Variants in NR2F1-AS1 observed in about 807,000 individuals in gnomAD.
NR2F1-AS1 encodes NR2F1 antisense RNA 1.
intron 4 of NR2F1-AS1, among the ~76,000 whole-genome samples, chr5:93,439,858 A>G (rs1749523382): frequency 6.6e-6 from 1 of 152,194 alleles, no homozygotes; most frequent in South Asian, 2.1e-4. Flanking sequence ...AGCATTTAAT[A>G]CTTGCTCATC....
At chr5:93,562,605 C>T (rs556704085) in intron 2 of NR2F1-AS1, among the ~76,000 whole-genome samples, 4 of 152,066 alleles carry the variant, frequency 2.6e-5, no homozygotes, top group African/African-American at 9.7e-5. Flanking sequence ...CAATTCCAAG[C>T]ATTTTTTCAA....
At chr5:93,482,623 G>A (rs1438110990) in intron 4 of NR2F1-AS1, among the ~76,000 whole-genome samples, 1 of 152,098 alleles carries the variant, frequency 6.6e-6, no homozygotes, top group Admixed American at 6.5e-5. Context: ...CCTTGTAAAG[G>A]CGGCTAAAGC....
chr5:93,524,097 T>C (rs1399883551), intron 4 of NR2F1-AS1, among the ~76,000 whole-genome samples: 2 of 151,902 alleles, frequency 1.3e-5, no homozygotes, highest in Admixed American at 6.6e-5. Context: ...GCAAGGAAGC[T>C]AAGAACCTTG....
intron 4 of NR2F1-AS1, among the ~76,000 whole-genome samples, chr5:93,436,742 T>C (rs1468980214): frequency 6.6e-6 from 1 of 152,162 alleles, no homozygotes; most frequent in Non-Finnish European, 1.5e-5. Context: ...CACAAAATTA[T>C]GAGGCACCTC....
chr5:93,467,921 C>A (rs1750275086), intron 4 of NR2F1-AS1, among the ~76,000 whole-genome samples: 1 of 152,132 alleles, frequency 6.6e-6, no homozygotes, highest in East Asian at 1.9e-4. Flanking sequence ...GGTTTTCTGT[C>A]CTTGTGATAG....
At chr5:93,457,878 A>G (rs1004226684) in intron 4 of NR2F1-AS1, among the ~76,000 whole-genome samples, 3 of 151,940 alleles carry the variant, frequency 2.0e-5, no homozygotes, top group African/African-American at 7.3e-5. Flanking sequence ...ATGGTGCTCA[A>G]CTGCGGTGTC....
upstream of NR2F1-AS1, chr5:93,581,194 G>A (rs960401618): frequency 3.9e-5 from 6 of 152,254 alleles, no homozygotes; most frequent in Non-Finnish European, 7.3e-5. Flanking sequence ...AGGGCGTGTT[G>A]GCGCTAGGAA....
intron 4 of NR2F1-AS1, among the ~76,000 whole-genome samples, chr5:93,470,342 A>T (rs1180332825): frequency 1.3e-5 from 2 of 151,900 alleles, no homozygotes; most frequent in Non-Finnish European, 2.9e-5. Flanking sequence ...TATAATAAAA[A>T]ATTGTTAGTG....
In NR2F1-AS1 at chr5:93,530,672, G is replaced by C. The variant is rs555972776; in HGVS notation, n.638+23089C>G. ...ATTTCATACCTCAAGGTCTTGATTT[G>C]CTTTTTAACATTTCATTCACTGAGA... On this transcript the variant is annotated intron_variant and non_coding_transcript_variant, in intron 4 of 5. Transcript: ENST00000660523. 1.6e-4 allele frequency among the ~76,000 whole-genome samples: 24 copies of C among 152,258 alleles called. No individual in the cohort carries two copies. In the South Asian group the frequency reaches 5.0e-3, roughly 32 times the overall value.
At chr5:93,514,161 C>T (rs1468646485) in intron 4 of NR2F1-AS1, among the ~76,000 whole-genome samples, 1 of 151,950 alleles carries the variant, frequency 6.6e-6, no homozygotes, top group African/African-American at 2.4e-5. Flanking sequence ...AAATACAGGA[C>T]TACTTACAGG....
upstream of NR2F1-AS1, chr5:93,585,462 C>T: frequency 6.2e-7 from 1 of 1,613,354 alleles, no homozygotes; most frequent in Non-Finnish European, 8.5e-7. Flanking sequence ...CAAGAAGTGC[C>T]TCAAAGTGGG....
rs1752975141 is a variant in NR2F1-AS1 at position 93,579,681 on chromosome 5, A to G, written n.313+786T>C. Among the ~76,000 whole-genome samples the G allele has an allele frequency of 6.9e-6, 1 of 144,442 alleles. No homozygotes were observed. The highest frequency in any genetic ancestry group is 6.9e-5 in the Admixed American group (1 of 14,508). 94.8% of individuals were successfully genotyped at this position (144,442 alleles called of 152,430 possible). ...AAACGCACGCCCCTGCCCCGCACGG[A>G]GGAAAGCGCTCTTGTTGGTTTTAAT... On this transcript the variant is annotated intron_variant and non_coding_transcript_variant, in intron 1 of 5. Transcript: ENST00000660523. This position sits in a 1 kb window ranked among gnomAD's most constrained non-coding sequence, Gnocchi z 5.1.
At chr5:93,581,376 T>C (rs1012955927), upstream of NR2F1-AS1, 10 of 152,178 alleles carry the variant, frequency 6.6e-5, no homozygotes, top group African/African-American at 1.9e-4. Context: ...GAGTATGCGA[T>C]TGGAGAATAT....
At chr5:93,522,526 T>C (rs139174639) in intron 4 of NR2F1-AS1, among the ~76,000 whole-genome samples, 2 of 152,050 alleles carry the variant, frequency 1.3e-5, no homozygotes, top group African/African-American at 4.8e-5. Flanking sequence ...AGTACAAACA[T>C]AGAATGTGAA....
chr5:93,560,677 T>C (rs1752466896), intron 2 of NR2F1-AS1, among the ~76,000 whole-genome samples: 1 of 152,220 alleles, frequency 6.6e-6, no homozygotes, highest in African/African-American at 2.4e-5. Context: ...TTGTAAAATA[T>C]ACATCTCAAA....
chr5:93,544,429 A>G (rs1319266953), intron 4 of NR2F1-AS1, among the ~76,000 whole-genome samples: 1 of 152,212 alleles, frequency 6.6e-6, no homozygotes, highest in African/African-American at 2.4e-5. Context: ...GGCACATTAT[A>G]TAATTTAATC....
Position 93,565,794 on chromosome 5 carries a change from T to G in NR2F1-AS1, n.314-2331A>C, listed in dbSNP as rs549006566. ...AGTTTAAAAGGTAAATATCACTGTG[T>G]CCCCCAACATAAGAAAAAAAAAGCG... On this transcript the variant is annotated intron_variant and non_coding_transcript_variant, in intron 1 of 5. Transcript: ENST00000660523. Among the ~76,000 whole-genome samples, 9 of 151,334 alleles carry G rather than the reference T, an allele frequency of 5.9e-5. No homozygotes were observed. The South Asian group carries it at 1.9e-3, about 32-fold the overall frequency.
intron 4 of NR2F1-AS1, among the ~76,000 whole-genome samples, chr5:93,490,589 A>ATAGCTG (rs1561465343): frequency 9.5e-6 from 1 of 105,320 alleles, no homozygotes; most frequent in African/African-American, 3.7e-5. Context: ...GGTGGTGGTG[A>ATAGCTG]TGGTGGTGGT....
intron 4 of NR2F1-AS1, among the ~76,000 whole-genome samples, chr5:93,505,698 A>G (rs1751171753): frequency 6.6e-6 from 1 of 152,164 alleles, no homozygotes; most frequent in African/African-American, 2.4e-5. Flanking sequence ...CCTTTCAGCC[A>G]TGACTGGAGC....
Sources: allele counts gnomAD v4.1 joint callset (sites outside exome capture counted in the v4.1 genomes callset), GRCh38; gene constraint gnomAD v4.1.1; non-coding constraint Gnocchi (gnomAD v3.1); transcripts MANE v1.5; gene names NCBI Gene and HGNC (gene_info 2026-07-23, HGNC 2026-07-21).